CNTN4: variants seen among roughly 807,000 people sequenced by gnomAD.
The protein encoded by CNTN4 is contactin-4.
A neutral mutation model predicts 122.5 loss-of-function variants in CNTN4; 77 were observed. That is an observed-to-expected ratio of 0.63 (90% CI 0.52 to 0.76). The LOEUF (loss-of-function observed/expected upper bound fraction) is 0.76, where lower values mean the gene tolerates loss of function less well. CNTN4 is among the 30% of genes least tolerant of loss of function. CNTN4 has a pLI of 0.00. For missense variants in CNTN4, 1,256 were observed against 1,259.1 expected (o/e 1.00, Z 0.04); for synonymous variants, 512 against 447.0 (o/e 1.15, Z -1.83).
intron 6 of CNTN4, among the ~76,000 whole-genome samples, chr3:2,777,856 A>T (rs1203130233): frequency 6.6e-6 from 1 of 152,110 alleles, no homozygotes; most frequent in Non-Finnish European, 1.5e-5. Flanking sequence ...GACTTAACCT[A>T]TTACTATGTC....
intron 6 of CNTN4, among the ~76,000 whole-genome samples, chr3:2,747,168 G>T (rs1016442909): frequency 6.6e-6 from 1 of 151,960 alleles, no homozygotes. Flanking sequence ...CCAGCATTTT[G>T]GGAGGCCGAG....
intron 13 of CNTN4, among the ~76,000 whole-genome samples, chr3:2,978,359 G>A (rs1693625121): frequency 6.6e-6 from 1 of 152,266 alleles, no homozygotes; most frequent in African/African-American, 2.4e-5. Context: ...TTTAAAGTCA[G>A]GGTTCACAGT....
At chr3:2,611,156 T>G (rs772711971) in intron 4 of CNTN4, among the ~76,000 whole-genome samples, 2 of 151,740 alleles carry the variant, frequency 1.3e-5, no homozygotes, top group African/African-American at 4.8e-5. Flanking sequence ...TTACATTGAT[T>G]CAAAGTGATG....
At chr3:2,469,148 C>G (rs1453251660) in intron 3 of CNTN4, among the ~76,000 whole-genome samples, 1 of 152,094 alleles carries the variant, frequency 6.6e-6, no homozygotes, top group Non-Finnish European at 1.5e-5. Context: ...TTTGCACAAA[C>G]CAAGATGAAT....
chr3:2,389,867 C>A (rs954493885), intron 3 of CNTN4, among the ~76,000 whole-genome samples: 1 of 152,176 alleles, frequency 6.6e-6, no homozygotes, highest in African/African-American at 2.4e-5. Context: ...AAACATCACA[C>A]AAAGCTAAAC....
chr3:2,819,712 G>GA (rs1438867435), intron 7 of CNTN4, 131 bp downstream of exon 7: 1 of 752,660 alleles, frequency 1.3e-6, no homozygotes, highest in Admixed American at 2.0e-5. Context: ...CCATGTGGAG[G>GA]AAAAACCACG....
intron 13 of CNTN4, among the ~76,000 whole-genome samples, chr3:2,979,222 C>T (rs1391918137): frequency 6.6e-6 from 1 of 152,022 alleles, no homozygotes; most frequent in East Asian, 1.9e-4. Flanking sequence ...GAGGCAGCCT[C>T]CTGGTGGGGG....
intron 4 of CNTN4, among the ~76,000 whole-genome samples, chr3:2,658,233 G>A (rs547706943): frequency 1.6e-4 from 25 of 151,658 alleles, no homozygotes; most frequent in South Asian, 1.3e-3. Context: ...CCTGGGATTC[G>A]GCAGGGTGGG....
intron 23 of CNTN4, 70 bp from the exon 24 acceptor site, chr3:3,053,737 C>A: frequency 6.5e-7 from 1 of 1,539,518 alleles, no homozygotes; most frequent in Non-Finnish European, 9.0e-7. Flanking sequence ...GAGGTGAAAA[C>A]AAATGAATGC....
intron 2 of CNTN4, among the ~76,000 whole-genome samples, chr3:2,216,294 C>A (rs1348171394): frequency 6.6e-6 from 1 of 152,122 alleles, no homozygotes; most frequent in East Asian, 1.9e-4. Context: ...AACAGAAAAC[C>A]AAATACCACA....
chr3:2,691,700 T>C (rs1399112174), intron 4 of CNTN4, among the ~76,000 whole-genome samples: 1 of 152,322 alleles, frequency 6.6e-6, no homozygotes, highest in Non-Finnish European at 1.5e-5. Context: ...CAATAGCATG[T>C]ATGCATAAGT....
chr3:2,123,971 T>A (rs2033966183), intron 2 of CNTN4, among the ~76,000 whole-genome samples: 1 of 152,190 alleles, frequency 6.6e-6, no homozygotes. Flanking sequence ...TGTGAGAATT[T>A]AAGATGTGGG....
intron 2 of CNTN4, among the ~76,000 whole-genome samples, chr3:2,111,359 G>T (rs865814045): frequency 1.6e-4 from 24 of 152,092 alleles, no homozygotes; most frequent in Middle Eastern, 3.2e-3. Context: ...TTTCAGAGAA[G>T]AACCTTTTCC....
intron 4 of CNTN4, among the ~76,000 whole-genome samples, chr3:2,653,854 C>T (rs1367378897): frequency 6.6e-6 from 1 of 152,148 alleles, no homozygotes; most frequent in African/African-American, 2.4e-5. Flanking sequence ...GTGACCAGTT[C>T]GTCTCTACCA....
intron 23 of CNTN4, among the ~76,000 whole-genome samples, chr3:3,048,465 C>T (rs1160540726): frequency 6.6e-6 from 1 of 151,980 alleles, no homozygotes; most frequent in Non-Finnish European, 1.5e-5. Flanking sequence ...AGCCAGTTCC[C>T]TGAATTACCA....
Position 2,512,288 on chromosome 3 carries a change from A to G in CNTN4, c.-88-59128A>G, listed in dbSNP as rs375519596. 1.3e-4 allele frequency among the ~76,000 whole-genome samples: 20 copies of G among 152,294 alleles called. No individual in the cohort carries two copies. The South Asian group carries it at 3.7e-3, about 28-fold the overall frequency. ...TATCTCCTTTTTTATGAGACAGTAC[A>G]TAAAATAAGAGTCTGTGTTTAGCCC... On this transcript the variant is annotated intron_variant, in intron 3 of 24. Coordinates refer to ENST00000418658, the MANE Select transcript of CNTN4 (RefSeq NM_175607.3).
chr3:2,211,998 G>C (rs938376457), intron 2 of CNTN4, among the ~76,000 whole-genome samples: 1 of 151,948 alleles, frequency 6.6e-6, no homozygotes, highest in African/African-American at 2.4e-5. Context: ...TTTTGAGATG[G>C]GGTCTTGCTC....
intron 4 of CNTN4, among the ~76,000 whole-genome samples, chr3:2,622,788 A>G (rs1194927234): frequency 6.6e-6 from 1 of 152,234 alleles, no homozygotes; most frequent in Non-Finnish European, 1.5e-5. Context: ...GGAAACTCAG[A>G]TAAGTAGATA....
chr3:2,625,918 G>T (rs938065087), intron 4 of CNTN4, among the ~76,000 whole-genome samples: 1 of 152,116 alleles, frequency 6.6e-6, no homozygotes, highest in African/African-American at 2.4e-5. Flanking sequence ...TGTTCTACCA[G>T]TATCGAATTG....
Sources: gnomAD v4.1 joint callset for allele counts (sites outside exome capture counted in the v4.1 genomes callset) on GRCh38, gnomAD v4.1.1 for gene constraint, MANE v1.5 for transcripts, NCBI Gene and HGNC (gene_info 2026-07-23, HGNC 2026-07-21) for gene names.